WDR11: variants seen among roughly 807,000 people sequenced by gnomAD.
The protein encoded by WDR11 is WD repeat domain 11.
WDR11 carries 83 observed loss-of-function variants against 151.2 expected under a neutral mutation model. The observed-to-expected ratio is 0.55, with a 90% confidence interval of 0.46 to 0.66. The LOEUF (loss-of-function observed/expected upper bound fraction) is 0.66, where lower values mean the gene tolerates loss of function less well. WDR11 is among the 30% of genes least tolerant of loss of function. The pLI, the probability that WDR11 is intolerant of heterozygous loss-of-function variation, is 0.00. For synonymous variants in WDR11, 484 were observed against 533.1 expected (o/e 0.91, Z 1.27); for missense variants, 1,301 against 1,480.9 (o/e 0.88, Z 1.99).
intron 11 of WDR11, among the ~76,000 whole-genome samples, chr10:120,876,565 T>A (rs1320685159): frequency 6.6e-6 from 1 of 152,206 alleles, no homozygotes; most frequent in Non-Finnish European, 1.5e-5. Context: ...AGCTTGCCAT[T>A]CTGGCACTTC....
intron 3 of WDR11, 43 bp downstream of exon 3, chr10:120,858,839 T>C: frequency 6.2e-7 from 1 of 1,612,810 alleles, no homozygotes; most frequent in South Asian, 1.1e-5. Flanking sequence ...TTGATACACT[T>C]ACTCTTGGAG....
chr10:120,886,291 C>A (rs951827223), intron 15 of WDR11, among the ~76,000 whole-genome samples: 2 of 152,052 alleles, frequency 1.3e-5, no homozygotes, highest in Admixed American at 6.6e-5. Flanking sequence ...TTTATACACA[C>A]CAAAGAAAAT....
chr10:120,898,985 G>A (rs1307698408), intron 19 of WDR11, among the ~76,000 whole-genome samples: 4 of 152,178 alleles, frequency 2.6e-5, no homozygotes, highest in Non-Finnish European at 5.9e-5. Flanking sequence ...ATTCTGGAGG[G>A]GAGTTGGTAG....
At chr10:120,898,106 A>G (rs1847679676) in intron 19 of WDR11, among the ~76,000 whole-genome samples, 1 of 152,208 alleles carries the variant, frequency 6.6e-6, no homozygotes, top group Non-Finnish European at 1.5e-5. Flanking sequence ...GATGAAATTG[A>G]TTTTAATTAA....
chr10:120,865,052 A>G lies in WDR11; in HGVS notation c.719A>G (p.Glu240Gly), dbSNP rs2133744158. Residue 240 changes from glutamate (E) to glycine (G), a missense_variant, in exon 6 of 29, where the codon GAA becomes GGA. By Grantham distance (98) the Glu-to-Gly change is moderately conservative. This residue lies in a region of WDR11 where 692 missense variants were observed against 762.5 expected (regional missense o/e 0.91). Transcript: ENST00000263461. ...ILITQEKPSA[E>G]FITLNDCLQL... ...TGAATGTTTACTTTTTTCAGTGCTG[A>G]ATTCATAACTCTCAATGATTGCCTT... The G allele has an allele frequency of 6.2e-7, 1 of 1,613,830 alleles. No individual in the cohort carries two copies.
chr10:120,905,006 G>A (rs1847978820), intron 25 of WDR11, among the ~76,000 whole-genome samples, 195 bp downstream of exon 25: 1 of 152,148 alleles, frequency 6.6e-6, no homozygotes. Context: ...CAGAGTGAAA[G>A]GGGGCACTGT....
In WDR11 at chr10:120,908,832, C is replaced by T; in HGVS notation, c.*119C>T. Reference sequence around the variant, plus strand: ...GTACAGGGTCCTGTGAGCTGTTTGACCACTGTTCTAAGACTATGTGTGCCC... The same window carrying T: ...GTACAGGGTCCTGTGAGCTGTTTGATCACTGTTCTAAGACTATGTGTGCCC... On this transcript the variant is annotated 3_prime_UTR_variant, in exon 29 of 29. Coordinates refer to ENST00000263461, the MANE Select transcript of WDR11 (RefSeq NM_018117.12). 1 of 1,128,154 alleles carries T rather than the reference C, an allele frequency of 8.9e-7. No individual in the cohort carries two copies. Among genetic ancestry groups the T allele is most frequent in the Non-Finnish European group, 1.3e-6 (1 of 763,034 alleles). 69.9% of individuals were successfully genotyped at this position (1,128,154 alleles called of 1,614,324 possible).
rs11597723 is a variant in WDR11 at position 120,903,809 on chromosome 10, G to A, written c.2932-238G>A. Among the ~76,000 whole-genome samples the A allele has an allele frequency of 0.05, 7,660 of 152,040 alleles. 300 individuals carry two copies. The highest frequency in any genetic ancestry group is 0.077 in the Non-Finnish European group (5,258 of 67,984). ...TTCAGTGCACATAGGTTTTTCATCC[G>A]GCTCTACTTAAGTGTCAGTTTCTGT... is the stretch of plus-strand genomic sequence containing the variant. On this transcript the variant is annotated intron_variant, in intron 23 of 28. Transcript: ENST00000263461.
At chr10:120,896,059 C>T (rs530963723) in intron 19 of WDR11, among the ~76,000 whole-genome samples, 2 of 152,224 alleles carry the variant, frequency 1.3e-5, no homozygotes, top group African/African-American at 2.4e-5. Flanking sequence ...ACTGCTTAGC[C>T]GTAGGAGATT....
At chr10:120,901,267 A>T (rs893099869) in intron 21 of WDR11, among the ~76,000 whole-genome samples, 169 bp downstream of exon 21, 1 of 152,222 alleles carries the variant, frequency 6.6e-6, no homozygotes, top group African/African-American at 2.4e-5. Flanking sequence ...TGTGTTTTGC[A>T]GAAAAAGTAC....
At chr10:120,852,220 A>G in intron 1 of WDR11, 1 of 361,018 alleles carries the variant, frequency 2.8e-6, no homozygotes, top group Non-Finnish European at 5.2e-6. Flanking sequence ...AAATCGGATA[A>G]GCGAAAGACG....
chr10:120,860,715 T>G (rs1222676611), intron 4 of WDR11, among the ~76,000 whole-genome samples: 1 of 152,224 alleles, frequency 6.6e-6, no homozygotes, highest in African/African-American at 2.4e-5. Flanking sequence ...CAGATGCATG[T>G]AAAGAAGAAA....
chr10:120,901,213 A>C, intron 21 of WDR11, 115 bp downstream of exon 21: 1 of 902,228 alleles, frequency 1.1e-6, no homozygotes, highest in Non-Finnish European at 1.8e-6. Flanking sequence ...TTAGTGGCCC[A>C]AGAAGAGACC....
chr10:120,890,966 G>A, intron 19 of WDR11, 79 bp downstream of exon 19: 1 of 1,397,938 alleles, frequency 7.2e-7, no homozygotes, highest in South Asian at 1.2e-5. Flanking sequence ...GGAGAGAGCT[G>A]CTGCTTCTGT....
intron 28 of WDR11, 111 bp downstream of exon 28, chr10:120,906,966 A>T (rs1454268560): frequency 6.7e-7 from 1 of 1,487,696 alleles, no homozygotes; most frequent in African/African-American, 1.4e-5. Context: ...ATTGTGAAAG[A>T]TCCATGTTCT....
intron 19 of WDR11, among the ~76,000 whole-genome samples, chr10:120,892,622 C>T (rs1564716242): frequency 6.6e-6 from 1 of 152,214 alleles, no homozygotes; most frequent in South Asian, 2.1e-4. Context: ...TAAAATAGGT[C>T]CTAACATTGG....
chr10:120,861,830 C>G (rs1846150930), intron 4 of WDR11, among the ~76,000 whole-genome samples: 1 of 152,096 alleles, frequency 6.6e-6, no homozygotes. Flanking sequence ...ATTTGTATTG[C>G]TAAATATGGT....
Position 120,903,225 on chromosome 10 carries a change from A to C in WDR11, c.2924A>C (p.Tyr975Ser), listed in dbSNP as rs749368655. Residue 975 changes from tyrosine (Y) to serine (S), a missense_variant, in exon 23 of 29, where the codon TAC becomes TCC. Tyr to Ser is a moderately radical substitution (Grantham distance 144, BLOSUM62 -2). Transcript: ENST00000263461. Reference protein sequence around the residue: ...ICYDVLCENAYFQKFQLERVN... With the variant: ...ICYDVLCENASFQKFQLERVN... ...TATGACGTGCTCTGTGAAAATGCCT[A>C]CTTTCAGGTAGTCTGCTTCACACAG... is the stretch of plus-strand genomic sequence containing the variant. The C allele has an allele frequency of 6.2e-7, 1 of 1,614,134 alleles. No homozygotes were observed. Among genetic ancestry groups the C allele is most frequent in the Admixed American group, 1.7e-5 (1 of 60,020 alleles).
In WDR11 at chr10:120,865,187, A is replaced by G; in HGVS notation, c.854A>G (p.Glu285Gly). The change falls in exon 6 of 29, where the codon GAA becomes GGA. Residue 285 changes from glutamate to glycine, a missense_variant. Transcript: ENST00000263461. The stretch of plus-strand genomic sequence containing the variant: ...CAGACGGTGGGTGTGATTGCAATAG[A>G]ACGCACAGGAGTTCCATTTTTACAG... ...VNQTVGVIAI[E>G]RTGVPFLQVI... The G allele has an allele frequency of 6.2e-7, 1 of 1,613,912 alleles. No homozygotes were observed. The highest frequency in any genetic ancestry group is 1.1e-5 in the South Asian group (1 of 91,074).
Sources: allele counts gnomAD v4.1 joint callset (sites outside exome capture counted in the v4.1 genomes callset), GRCh38; gene constraint gnomAD v4.1.1; regional missense constraint gnomAD v4.1.1; transcripts MANE v1.5; gene names NCBI Gene and HGNC (gene_info 2026-07-23, HGNC 2026-07-21).